Variants in ADAMTSL1 observed in about 807,000 individuals in gnomAD.
ADAMTSL1 encodes ADAMTS-like protein 1.
ADAMTSL1 carries 126 observed loss-of-function variants against 201.8 expected under a neutral mutation model. The observed-to-expected ratio is 0.62, with a 90% CI of 0.54 to 0.72. The LOEUF (loss-of-function observed/expected upper bound fraction) is 0.72. Ranked by LOEUF, ADAMTSL1 falls within the 30% of genes least tolerant of loss-of-function variation. ADAMTSL1 has a pLI of 0.00. For missense variants in ADAMTSL1, 2,679 were observed against 2,277.8 expected, an observed-to-expected ratio of 1.18 and a Z score of -3.59; for synonymous variants, 1,121 against 903.4, an observed-to-expected ratio of 1.24 and a Z score of -4.32.
chr9:18,632,510 A>C (rs1054523806), intron 5 of ADAMTSL1, among the ~76,000 whole-genome samples: 6 of 152,162 alleles, frequency 3.9e-5, no homozygotes, highest in African/African-American at 1.4e-4. Flanking sequence ...AAAATGAATG[A>C]ATATGCTTTG....
intron 2 of ADAMTSL1, among the ~76,000 whole-genome samples, chr9:18,438,651 G>T (rs563699871): frequency 1.3e-5 from 2 of 152,218 alleles, no homozygotes; most frequent in African/African-American, 4.8e-5. Flanking sequence ...CTGCAGCACC[G>T]CAGGCTTCCT....
intron 14 of ADAMTSL1, among the ~76,000 whole-genome samples, chr9:18,718,794 G>A (rs559385): frequency 0.26 from 40,256 of 152,162 alleles, 5,744 homozygotes; most frequent in Middle Eastern, 0.33. Flanking sequence ...TCACTTTCAA[G>A]TAAAGCATGT....
intron 23 of ADAMTSL1, among the ~76,000 whole-genome samples, chr9:18,872,651 T>G (rs971721139): frequency 2.0e-5 from 3 of 152,218 alleles, no homozygotes; most frequent in Non-Finnish European, 4.4e-5. Context: ...TTCAGGTTGC[T>G]GCAAATGCCA....
intron 23 of ADAMTSL1, among the ~76,000 whole-genome samples, chr9:18,884,489 A>C (rs915383787): frequency 6.6e-6 from 1 of 152,060 alleles, no homozygotes; most frequent in South Asian, 2.1e-4. Flanking sequence ...TCATTGCCAA[A>C]CCCAATGTCA....
At position 17,917,137 on chromosome 9, in the gene ADAMTSL1, G is replaced by C. The variant is rs139338816; in HGVS notation, c.87+10215G>C. Among the ~76,000 whole-genome samples, 9 of 152,182 alleles carry C rather than the reference G, an allele frequency of 5.9e-5. No homozygotes were observed. The East Asian group carries it at 1.7e-3, about 29-fold the overall frequency. On this transcript the variant is annotated intron_variant, in intron 1 of 29. Transcript: ENST00000680146. ...AACTTTATTAAACTCATTAGCTGTA[G>C]TTGTTGTGTGCAACAATATGTAGTA...
intron 2 of ADAMTSL1, among the ~76,000 whole-genome samples, chr9:18,271,119 G>T (rs1482276268): frequency 1.3e-5 from 2 of 152,104 alleles, no homozygotes; most frequent in East Asian, 3.9e-4. Context: ...AACTAACATT[G>T]CTCTAACAAA....
intron 9 of ADAMTSL1, among the ~76,000 whole-genome samples, chr9:18,666,221 A>C (rs1404590031): frequency 6.6e-6 from 1 of 152,212 alleles, no homozygotes; most frequent in Non-Finnish European, 1.5e-5. Context: ...TGTCATTTAC[A>C]CAGTTATTTT....
At chr9:18,335,378 T>C (rs541053022) in intron 2 of ADAMTSL1, among the ~76,000 whole-genome samples, 10 of 152,056 alleles carry the variant, frequency 6.6e-5, no homozygotes, top group Non-Finnish European at 1.5e-4. Flanking sequence ...TCCAGGCTGG[T>C]TTTGAACTCC....
chr9:18,888,182 A>G (rs996129202), intron 24 of ADAMTSL1, 139 bp downstream of exon 24: 2 of 856,902 alleles, frequency 2.3e-6, no homozygotes, highest in Non-Finnish European at 3.6e-6. Context: ...CCATGTTTCC[A>G]TACAGTGAGA....
chr9:18,611,770 G>T (rs10963666), intron 4 of ADAMTSL1, among the ~76,000 whole-genome samples: 2 of 152,072 alleles, frequency 1.3e-5, no homozygotes, highest in African/African-American at 4.8e-5. Context: ...GACAGAAATA[G>T]GACTCTTAAA....
chr9:18,592,046 G>A (rs534319864), intron 4 of ADAMTSL1, among the ~76,000 whole-genome samples: 206 of 152,322 alleles, frequency 1.4e-3, no homozygotes, highest in African/African-American at 4.5e-3. Flanking sequence ...AACCAATGCC[G>A]GCTGCAGGTG....
intron 2 of ADAMTSL1, among the ~76,000 whole-genome samples, chr9:18,529,565 A>G (rs971707018): frequency 6.6e-6 from 1 of 152,168 alleles, no homozygotes; most frequent in African/African-American, 2.4e-5. Context: ...AAGATTAGAG[A>G]TAGTATACGC....
At chr9:18,173,729 A>G (rs1828009687) in intron 2 of ADAMTSL1, among the ~76,000 whole-genome samples, 1 of 152,170 alleles carries the variant, frequency 6.6e-6, no homozygotes, top group African/African-American at 2.4e-5. Context: ...TCTCAAATAC[A>G]GAGTAAAATT....
intron 15 of ADAMTSL1, among the ~76,000 whole-genome samples, chr9:18,748,175 G>A (rs1351168843): frequency 6.6e-6 from 1 of 152,166 alleles, no homozygotes; most frequent in Non-Finnish European, 1.5e-5. Flanking sequence ...AAGCAGTATA[G>A]TAAAAGAATG....
At chr9:18,232,159 ATTC>A (rs907872664) in intron 2 of ADAMTSL1, among the ~76,000 whole-genome samples, 2 of 152,006 alleles carry the variant, frequency 1.3e-5, no homozygotes, top group South Asian at 2.1e-4. Context: ...TTTTCCTCCT[ATTC>A]TTCTCCTCAC....
intron 23 of ADAMTSL1, among the ~76,000 whole-genome samples, chr9:18,882,058 C>T (rs376027331): frequency 2.3e-4 from 35 of 152,118 alleles, no homozygotes; most frequent in African/African-American, 8.2e-4. Context: ...ATTTAGTATT[C>T]CTCTTATTTA....
intron 2 of ADAMTSL1, among the ~76,000 whole-genome samples, chr9:18,526,810 T>C (rs1819089184): frequency 6.6e-6 from 1 of 152,202 alleles, no homozygotes. Flanking sequence ...TGTGTTCCAG[T>C]ACTACTTAAA....
chr9:18,163,209 A>G (rs972758900), intron 1 of ADAMTSL1, among the ~76,000 whole-genome samples: 14 of 152,014 alleles, frequency 9.2e-5, no homozygotes, highest in South Asian at 8.3e-4. Flanking sequence ...GACTTGACAA[A>G]TTCCTGAAAC....
chr9:18,275,881 G>T (rs949053786), intron 2 of ADAMTSL1, among the ~76,000 whole-genome samples: 1 of 152,072 alleles, frequency 6.6e-6, no homozygotes, highest in African/African-American at 2.4e-5. Context: ...TCCTACCTCA[G>T]GGTAGGATTG....
Sources: gnomAD v4.1 joint callset for allele counts (sites outside exome capture counted in the v4.1 genomes callset) on GRCh38, gnomAD v4.1.1 for gene constraint, MANE v1.5 for transcripts, NCBI Gene and HGNC (gene_info 2026-07-23, HGNC 2026-07-21) for gene names.